PARP15: variants seen among roughly 807,000 people sequenced by gnomAD.
PARP15 encodes the protein poly(ADP-ribose) polymerase family member 15.
PARP15 carries 50 observed loss-of-function variants against 62.1 expected under a neutral mutation model. The ratio of observed to expected loss-of-function variants is 0.81; its 90% confidence interval spans 0.64 to 1.02. The LOEUF is 1.02. Ranked by LOEUF, PARP15 falls within the 50% of genes least tolerant of loss-of-function variation. The pLI, the probability that PARP15 is intolerant of heterozygous loss-of-function variation, is 0.00. For synonymous variants in PARP15, 309 were observed against 293.1 expected, an observed-to-expected ratio of 1.05 and a Z score of -0.55; for missense variants, 820 against 826.5, an observed-to-expected ratio of 0.99 and a Z score of 0.10.
At chr3:122,605,041 A>AAAAGAAAG (rs377321079) in intron 1 of PARP15, among the ~76,000 whole-genome samples, 2 of 152,072 alleles carry the variant, frequency 1.3e-5, no homozygotes, top group African/African-American at 4.8e-5. Context: ...ATCTCAGAAA[A>AAAAGAAAG]AAAGAAAGAA....
At chr3:122,597,827 G>T (rs1934479761) in intron 1 of PARP15, among the ~76,000 whole-genome samples, 1 of 152,014 alleles carries the variant, frequency 6.6e-6, no homozygotes, top group South Asian at 2.1e-4. Context: ...AAAATCCATG[G>T]ATCCTCAAGT....
At position 122,628,348 on chromosome 3, in the gene PARP15, C is replaced by T. The variant is rs140815209; in HGVS notation, c.1438+1315C>T. Among the ~76,000 whole-genome samples, 827 of 152,184 alleles carry T rather than the reference C, an allele frequency of 5.4e-3. 6 individuals carry two copies. The highest frequency in any genetic ancestry group is 9.0e-3 in the Non-Finnish European group (609 of 68,014). ...ACTTCAGCTAGAGGGGGTCACCATC[C>T]GAAGCAATGGGGAATAGCTGTTCCC... On this transcript the variant is annotated intron_variant, in intron 9 of 11. Coordinates refer to ENST00000464300, the MANE Select transcript of PARP15 (RefSeq NM_001113523.3).
In PARP15 at chr3:122,581,281, C is replaced by G. The variant is rs527783376; in HGVS notation, c.186+3428C>G. Reference sequence around the variant, plus strand: ...CCTATTTTTAATTTTTTTGGGACTGCCATGCTGTTTTCCATAGCAACCAAA... The same window carrying G: ...CCTATTTTTAATTTTTTTGGGACTGGCATGCTGTTTTCCATAGCAACCAAA... On this transcript the variant is annotated intron_variant, in intron 1 of 11. Coordinates refer to ENST00000464300, the MANE Select transcript of PARP15 (RefSeq NM_001113523.3). 2.6e-5 allele frequency among the ~76,000 whole-genome samples: 4 copies of G among 152,286 alleles called. No homozygotes were observed. The East Asian group carries it at 7.7e-4, about 29-fold the overall frequency.
At chr3:122,581,399 C>T (rs1208863670) in intron 1 of PARP15, among the ~76,000 whole-genome samples, 4 of 152,152 alleles carry the variant, frequency 2.6e-5, no homozygotes, top group Non-Finnish European at 4.4e-5. Context: ...TTCCTTCCTT[C>T]CCATCTTCCT....
chr3:122,627,642 T>C (rs1936817999), intron 9 of PARP15, among the ~76,000 whole-genome samples: 1 of 152,242 alleles, frequency 6.6e-6, no homozygotes, highest in Non-Finnish European at 1.5e-5. Context: ...AGCCTCCTCT[T>C]GCAATCACTA....
intron 1 of PARP15, among the ~76,000 whole-genome samples, chr3:122,593,527 A>G (rs1351720133): frequency 2.0e-5 from 3 of 152,244 alleles, no homozygotes; most frequent in African/African-American, 7.2e-5. Context: ...AAAAATATGT[A>G]TGGAAAAATG....
In PARP15 at chr3:122,635,999, C is replaced by T. The variant is rs1937346964; in HGVS notation, c.1936C>T (p.Leu646Phe). 1 of 1,614,002 alleles carries T rather than the reference C, an allele frequency of 6.2e-7. No individual in the cohort carries two copies. The highest frequency in any genetic ancestry group is 1.3e-5 in the African/African-American group (1 of 74,882). ...CAAGAATCCTCACAATCCCACAGAT[C>T]TCTTTGACTCAGTGACAAACAATAC... is the stretch of plus-strand genomic sequence containing the variant. Reference protein sequence around the residue: ...PPKNPHNPTDLFDSVTNNTRS... With the variant: ...PPKNPHNPTDFFDSVTNNTRS... Residue 646 changes from leucine to phenylalanine, a missense_variant, in exon 12 of 12, where the codon CTC becomes TTC. Leu to Phe is a conservative substitution (Grantham distance 22). Coordinates refer to ENST00000464300, the MANE Select transcript of PARP15 (RefSeq NM_001113523.3).
intron 1 of PARP15, among the ~76,000 whole-genome samples, chr3:122,585,081 T>A (rs1409679126): frequency 1.3e-5 from 2 of 152,234 alleles, no homozygotes; most frequent in African/African-American, 4.8e-5. Context: ...TAAACATTGA[T>A]CTCTCTGAAG....
At chr3:122,579,716 C>T (rs570683807) in intron 1 of PARP15, among the ~76,000 whole-genome samples, 300 of 151,970 alleles carry the variant, frequency 2.0e-3, no homozygotes, top group Non-Finnish European at 2.4e-3. Context: ...CGGTGGCTCA[C>T]GCCTGTAATC....
At chr3:122,589,510 C>T (rs1933702840) in intron 1 of PARP15, among the ~76,000 whole-genome samples, 1 of 152,194 alleles carries the variant, frequency 6.6e-6, no homozygotes, top group African/African-American at 2.4e-5. Flanking sequence ...CATTATTTTC[C>T]TAAATCGTTG....
chr3:122,580,270 T>C (rs1208676323), intron 1 of PARP15, among the ~76,000 whole-genome samples: 1 of 151,834 alleles, frequency 6.6e-6, no homozygotes, highest in African/African-American at 2.4e-5. Flanking sequence ...CCAACTATAA[T>C]TGTGGATTTG....
chr3:122,583,302 T>C (rs1234090663), intron 1 of PARP15, among the ~76,000 whole-genome samples: 1 of 151,384 alleles, frequency 6.6e-6, no homozygotes, highest in Non-Finnish European at 1.5e-5. Context: ...TTTTTTTGTA[T>C]TTTTAGTAGA....
intron 4 of PARP15, chr3:122,615,075 A>C: frequency 1.0e-6 from 1 of 978,632 alleles, no homozygotes; most frequent in Non-Finnish European, 1.2e-6. Flanking sequence ...AGAAAGAAAG[A>C]GAAAAAGAAA....
At chr3:122,588,645 A>C (rs1472337523) in intron 1 of PARP15, among the ~76,000 whole-genome samples, 1 of 152,102 alleles carries the variant, frequency 6.6e-6, no homozygotes, top group Non-Finnish European at 1.5e-5. Flanking sequence ...GTGACAGAGC[A>C]AGACTGTCTC....
chr3:122,608,213 CTTTTTTT>C lies in PARP15; in HGVS notation c.306+2173_306+2179del, dbSNP rs71136576. On this transcript the variant is annotated intron_variant, in intron 2 of 11. Transcript: ENST00000464300. ...TGCTTTCTTTTTTTCTTTCTCTTTT[CTTTTTTT>C]TTTTTTTTTTTTTTGATACTGAGTC... Among the ~76,000 whole-genome samples the C allele has an allele frequency of 5.0e-4, 57 of 113,914 alleles. 1 individual carries two copies. Among genetic ancestry groups the C allele is most frequent in the Non-Finnish European group, 7.7e-4 (43 of 55,520 alleles). 74.7% of individuals were successfully genotyped at this position (113,914 alleles called of 152,430 possible). A position where few individuals can be genotyped will look rare whatever the true frequency, so the allele number is the denominator to read the frequency against.
At chr3:122,593,104 C>CTATA in intron 1 of PARP15, among the ~76,000 whole-genome samples, 1 of 77,300 alleles carries the variant, frequency 1.3e-5, no homozygotes, top group African/African-American at 3.2e-5. Context: ...ATCTATCTAT[C>CTATA]TATCTATCTA....
At chr3:122,583,685 T>C (rs1040305055) in intron 1 of PARP15, among the ~76,000 whole-genome samples, 2 of 152,192 alleles carry the variant, frequency 1.3e-5, no homozygotes, top group African/African-American at 4.8e-5. Context: ...AGAGTGATCT[T>C]TAATCTATAA....
At chr3:122,618,629 T>C (rs1431882496) in intron 6 of PARP15, among the ~76,000 whole-genome samples, 1 of 152,196 alleles carries the variant, frequency 6.6e-6, no homozygotes, top group Non-Finnish European at 1.5e-5. Context: ...GCAGTAACTT[T>C]CCTTGCTCTT....
At chr3:122,578,141 G>A (rs951969991) in intron 1 of PARP15, among the ~76,000 whole-genome samples, 1 of 149,526 alleles carries the variant, frequency 6.7e-6, no homozygotes, top group African/African-American at 2.5e-5. Context: ...TTATGAATAT[G>A]TCCTCCCAAT....
Sources: gnomAD v4.1 joint callset for allele counts (sites outside exome capture counted in the v4.1 genomes callset) on GRCh38, gnomAD v4.1.1 for gene constraint, MANE v1.5 for transcripts, NCBI Gene and HGNC (gene_info 2026-07-23, HGNC 2026-07-21) for gene names.